Variants in ZSCAN5A observed in about 807,000 individuals in gnomAD.
ZSCAN5A encodes zinc finger and SCAN domain containing 5A, also known as zinc finger and SCAN domain-containing protein 5A.
In ZSCAN5A, 12 loss-of-function variants were observed where a neutral mutation model predicts 23.7. The ratio of observed to expected loss-of-function variants is 0.51; its 90% CI spans 0.32 to 0.82. The LOEUF (loss-of-function observed/expected upper bound fraction) is 0.82, where lower values mean the gene tolerates loss of function less well. Ranked by LOEUF, ZSCAN5A falls within the 40% of genes least tolerant of loss-of-function variation. The pLI, the probability that ZSCAN5A is intolerant of heterozygous loss-of-function variation, is 0.03. For missense variants in ZSCAN5A, 597 were observed against 617.9 expected (o/e 0.97, Z 0.36); for synonymous variants, 257 against 239.9 (o/e 1.07, Z -0.66).
intron 2 of ZSCAN5A, among the ~76,000 whole-genome samples, chr19:56,243,323 G>A (rs2035580212): frequency 1.3e-5 from 2 of 152,164 alleles, no homozygotes; most frequent in Non-Finnish European, 2.9e-5. Flanking sequence ...GTGCATGCAT[G>A]TCTTAGTGCC....
chr19:56,301,898 G>C, intron 2 of ZSCAN5A: 1 of 1,231,340 alleles, frequency 8.1e-7, no homozygotes, highest in South Asian at 4.2e-5. Flanking sequence ...TGGAGAGACA[G>C]CAGTGACAGG....
At chr19:56,366,926 T>C (rs1421110148) in intron 1 of ZSCAN5A, among the ~76,000 whole-genome samples, 1 of 152,030 alleles carries the variant, frequency 6.6e-6, no homozygotes, top group South Asian at 2.1e-4. Flanking sequence ...CAGGAAAAAA[T>C]TACAAGGCAC....
chr19:56,273,458 T>C (rs1296140748), intron 2 of ZSCAN5A, among the ~76,000 whole-genome samples: 2 of 94,562 alleles, frequency 2.1e-5, no homozygotes, highest in Non-Finnish European at 5.4e-5. Context: ...GCTGGGAATA[T>C]AGTGATGAAA....
At chr19:56,235,044 C>T in intron 2 of ZSCAN5A, among the ~76,000 whole-genome samples, 1 of 151,824 alleles carries the variant, frequency 6.6e-6, no homozygotes. Flanking sequence ...CAGAAGCCTC[C>T]ACTCCAGCCT....
intron 2 of ZSCAN5A, among the ~76,000 whole-genome samples, chr19:56,362,920 C>T (rs555087429): frequency 1.3e-5 from 2 of 151,020 alleles, no homozygotes; most frequent in African/African-American, 2.4e-5. Context: ...AACATGTATA[C>T]GGGAACTGCC....
At chr19:56,321,353 T>A in intron 2 of ZSCAN5A, 2 of 643,384 alleles carry the variant, frequency 3.1e-6, no homozygotes, top group South Asian at 3.4e-5. Flanking sequence ...TAACCAGGCA[T>A]CACAATGTGG....
At chr19:56,301,804 A>T in intron 2 of ZSCAN5A, 1 of 686,808 alleles carries the variant, frequency 1.5e-6, no homozygotes, top group Non-Finnish European at 2.0e-6. Flanking sequence ...GGTAACCAAG[A>T]AGGGGGAAGC....
chr19:56,224,938 C>G lies in ZSCAN5A; in HGVS notation c.109G>C (p.Asp37His), dbSNP rs543522736. The change falls in exon 3 of 6, where the codon GAC becomes CAC. Residue 37 changes from aspartate (D) to histidine (H), a missense_variant. Asp to His is a moderately conservative substitution (Grantham distance 81). Transcript: ENST00000683990. ...ACGTGAGAAATCTCAGGGTCCACGT[C>G]GTGATTTCCAAGTTGAGTTTCTGAG... ...ASSETQLGNHDVDPEISHVNF... is the reference protein window; with the variant it reads ...ASSETQLGNHHVDPEISHVNF... 4.0e-5 allele frequency: 65 copies of G among 1,614,214 alleles called. 1 individual carries two copies. In the Middle Eastern group the frequency reaches 8.2e-4, roughly 20 times the overall value.
Position 56,224,887 on chromosome 19 carries a change from T to C in ZSCAN5A, c.160A>G (p.Lys54Glu), listed in dbSNP as rs201874615. The change falls in exon 3 of 6, where the codon AAG (lysine) becomes GAG (glutamate). Residue 54 changes from lysine (K) to glutamate (E), a missense_variant. Physicochemically the swap from Lys to Glu is moderately conservative, Grantham distance 56. This residue lies in a region of ZSCAN5A where 72 missense variants were observed against 76.8 expected (regional missense o/e 0.94). Transcript: ENST00000683990. The stretch of plus-strand genomic sequence containing the variant: ...AGAGCCTGGATGGGGTCCGACTCCT[T>C]CGGGCAGCTGAACATCCTGAAGTTC... ...HVNFRMFSCP[K>E]ESDPIQALRK... is the part of the protein sequence containing the mutation. 4.4e-5 allele frequency: 71 copies of C among 1,613,496 alleles called. No individual in the cohort carries two copies. In the East Asian group the frequency reaches 5.1e-4, roughly 12 times the overall value.
intron 2 of ZSCAN5A, among the ~76,000 whole-genome samples, chr19:56,303,426 C>A (rs1189646027): frequency 6.8e-6 from 1 of 146,852 alleles, no homozygotes; most frequent in African/African-American, 2.5e-5. Flanking sequence ...TGCAGTGAGC[C>A]AAGATCACAC....
intron 2 of ZSCAN5A, among the ~76,000 whole-genome samples, chr19:56,329,527 C>T (rs898383908): frequency 4.0e-5 from 6 of 151,558 alleles, no homozygotes; most frequent in African/African-American, 1.5e-4. Context: ...ATGTTTATAC[C>T]TTAGGAAACT....
chr19:56,302,150 G>A, intron 2 of ZSCAN5A: 1 of 1,199,448 alleles, frequency 8.3e-7, no homozygotes, highest in Non-Finnish European at 1.0e-6. Context: ...GGAAAGAGGA[G>A]GGAAGTGGGG....
chr19:56,231,431 G>A (rs1057074154), intron 2 of ZSCAN5A, among the ~76,000 whole-genome samples: 2 of 152,106 alleles, frequency 1.3e-5, no homozygotes, highest in Non-Finnish European at 2.9e-5. Flanking sequence ...CTAAGAATGC[G>A]TGACCAACCA....
intron 2 of ZSCAN5A, among the ~76,000 whole-genome samples, chr19:56,249,982 G>C (rs35226140): frequency 0.23 from 35,324 of 152,116 alleles, 4,650 homozygotes; most frequent in Non-Finnish European, 0.3. Context: ...TCCGGAAATA[G>C]GCTGGATTCA....
chr19:56,302,530 CTCT>C (rs1217430679), intron 2 of ZSCAN5A, among the ~76,000 whole-genome samples: 372 of 24,304 alleles, frequency 0.015, no homozygotes, highest in Non-Finnish European at 0.042. Context: ...CCCTCCCTCC[CTCT>C]TCTTCCTCCC....
In ZSCAN5A at chr19:56,265,267, T is replaced by C. The variant is rs574346875; in HGVS notation, c.-127-40094A>G. ...TCCATCCTAGCACAGGGCACTCCCA[T>C]GATAAAGGCATCAACAACACAATTC... On this transcript the variant is annotated intron_variant, in intron 2 of 5. Transcript: ENST00000683990. Among the ~76,000 whole-genome samples, 5 of 151,554 alleles carry C rather than the reference T, an allele frequency of 3.3e-5. No homozygotes were observed. In the East Asian group the frequency reaches 9.7e-4, roughly 29 times the overall value.
At chr19:56,234,056 A>T (rs911706449) in intron 2 of ZSCAN5A, among the ~76,000 whole-genome samples, 2 of 152,132 alleles carry the variant, frequency 1.3e-5, no homozygotes, top group Admixed American at 1.3e-4. Flanking sequence ...CAAATAAGAG[A>T]TTGTGTGTCC....
intron 2 of ZSCAN5A, among the ~76,000 whole-genome samples, chr19:56,362,598 G>A (rs1385491498): frequency 6.6e-6 from 1 of 151,668 alleles, no homozygotes; most frequent in Non-Finnish European, 1.5e-5. Context: ...GGCCGGACGC[G>A]GTGGCTCACG....
At chr19:56,368,157 C>G (rs1405786601) in intron 1 of ZSCAN5A, 3 of 152,392 alleles carry the variant, frequency 2.0e-5, no homozygotes, top group Admixed American at 2.0e-4. Flanking sequence ...GCGGAACCCT[C>G]TCCACCAGGC....
Sources: allele counts gnomAD v4.1 joint callset (sites outside exome capture counted in the v4.1 genomes callset), GRCh38; gene constraint gnomAD v4.1.1; regional missense constraint gnomAD v4.1.1; transcripts MANE v1.5; gene names NCBI Gene and HGNC (gene_info 2026-07-23, HGNC 2026-07-21).